Variants in PTPRD observed in about 807,000 individuals in gnomAD.
PTPRD encodes protein tyrosine phosphatase receptor type D, also known as receptor-type tyrosine-protein phosphatase delta.
Under a neutral mutation model 214.5 loss-of-function variants are expected in PTPRD, and 34 were observed. That is an observed-to-expected ratio of 0.16 (90% confidence interval 0.12 to 0.21). The LOEUF (loss-of-function observed/expected upper bound fraction) is 0.21. Among genes scored for constraint, PTPRD ranks in the 10% least tolerant of loss-of-function variants. The probability of loss-of-function intolerance (pLI) is 1.00; values close to 1 mark genes in which losing one functional copy is unlikely to be tolerated. For missense variants in PTPRD, 2,545 were observed against 2,398.7 expected (o/e 1.06, Z -1.27); for synonymous variants, 1,128 against 845.7 (o/e 1.33, Z -5.79).
At chr9:9,670,545 C>T (rs1778886549) in intron 7 of PTPRD, among the ~76,000 whole-genome samples, 1 of 152,194 alleles carries the variant, frequency 6.6e-6, no homozygotes, top group Admixed American at 6.5e-5. Flanking sequence ...TATTAGAGGT[C>T]TTCATGGCAG....
chr9:9,727,981 G>C (rs924332860), intron 7 of PTPRD, among the ~76,000 whole-genome samples: 42 of 152,118 alleles, frequency 2.8e-4, no homozygotes, highest in African/African-American at 1.0e-3. Flanking sequence ...CATGTGTTGT[G>C]AGAGGGACCC....
intron 14 of PTPRD, among the ~76,000 whole-genome samples, chr9:8,610,741 T>C (rs2095418558): frequency 6.6e-6 from 1 of 152,200 alleles, no homozygotes; most frequent in Non-Finnish European, 1.5e-5. Flanking sequence ...TTTCATCCAG[T>C]CTAGTTCTGC....
chr9:9,265,927 A>AAAGACAGAG (rs1339819421), intron 9 of PTPRD, among the ~76,000 whole-genome samples: 4 of 151,608 alleles, frequency 2.6e-5, no homozygotes, highest in African/African-American at 9.7e-5. Flanking sequence ...TCTCCAATCA[A>AAAGACAGAG]AAGACAGAGT....
At chr9:8,567,948 T>C (rs2089909542) in intron 14 of PTPRD, among the ~76,000 whole-genome samples, 2 of 152,120 alleles carry the variant, frequency 1.3e-5, no homozygotes, top group South Asian at 4.1e-4. Context: ...ATTAAAGTCA[T>C]CACTATGAAT....
At position 9,818,865 on chromosome 9, in the gene PTPRD, A is replaced by G. The variant is rs540120716; in HGVS notation, c.-367-52014T>C. On this transcript the variant is annotated intron_variant, in intron 5 of 45. Coordinates refer to ENST00000381196, the MANE Select transcript of PTPRD (RefSeq NM_002839.4). ...TGGGAGGTAGAGGTTTCAGTGAGCCAAGATTGTGGCACTGCACTCCAGCCT... is the reference window on the plus strand; with the variant it reads ...TGGGAGGTAGAGGTTTCAGTGAGCCGAGATTGTGGCACTGCACTCCAGCCT... 2.7e-5 allele frequency among the ~76,000 whole-genome samples: 4 copies of G among 147,136 alleles called. No individual in the cohort carries two copies. In the Admixed American group the frequency reaches 2.8e-4, roughly 10 times the overall value.
At chr9:9,964,842 G>A (rs1042199968) in intron 4 of PTPRD, among the ~76,000 whole-genome samples, 3 of 152,052 alleles carry the variant, frequency 2.0e-5, no homozygotes, top group African/African-American at 7.2e-5. Flanking sequence ...TATGCTTTCT[G>A]TTTCAACCAG....
intron 14 of PTPRD, among the ~76,000 whole-genome samples, chr9:8,607,473 T>A (rs1268618970): frequency 6.6e-6 from 1 of 151,988 alleles, no homozygotes; most frequent in African/African-American, 2.4e-5. Context: ...TGAAACCCCG[T>A]CTCTACAAAA....
intron 8 of PTPRD, among the ~76,000 whole-genome samples, chr9:9,431,615 T>C (rs1343524173): frequency 6.6e-6 from 1 of 152,128 alleles, no homozygotes; most frequent in East Asian, 1.9e-4. Flanking sequence ...GTAAGTTTAT[T>C]GTGGCACTAT....
At chr9:10,326,753 G>T (rs1313424881) in intron 3 of PTPRD, among the ~76,000 whole-genome samples, 4 of 151,262 alleles carry the variant, frequency 2.6e-5, no homozygotes, top group Admixed American at 1.3e-4. Flanking sequence ...TTGTGTTTTT[G>T]TATATTATAA....
At chr9:8,837,046 G>C (rs112017373) in intron 11 of PTPRD, among the ~76,000 whole-genome samples, 21,746 of 123,636 alleles carry the variant, frequency 0.18, 2,018 homozygotes, top group East Asian at 0.28. Flanking sequence ...TTTTTTTTGA[G>C]ATGGAGTCTC....
intron 10 of PTPRD, among the ~76,000 whole-genome samples, chr9:9,049,368 T>C (rs1328708986): frequency 6.6e-6 from 1 of 152,162 alleles, no homozygotes; most frequent in Non-Finnish European, 1.5e-5. Context: ...AAAGTGCAGT[T>C]TTGGTGTAGT....
chr9:10,377,289 TTTA>T (rs576042991), intron 2 of PTPRD, among the ~76,000 whole-genome samples: 7 of 151,570 alleles, frequency 4.6e-5, no homozygotes, highest in African/African-American at 7.3e-5. Context: ...CACATTTTCT[TTTA>T]TTATTATTAT....
intron 4 of PTPRD, among the ~76,000 whole-genome samples, chr9:10,007,088 T>C (rs1241596179): frequency 6.6e-6 from 1 of 151,982 alleles, no homozygotes. Context: ...TTTGTCTCTG[T>C]TTTTAAAAAG....
intron 44 of PTPRD, among the ~76,000 whole-genome samples, chr9:8,331,168 A>C (rs973056493): frequency 3.4e-5 from 5 of 148,698 alleles, no homozygotes; most frequent in Non-Finnish European, 5.9e-5. Flanking sequence ...GGCAGAACTT[A>C]ATATTGTCAT....
At chr9:8,329,461 T>A (rs1028740309) in intron 44 of PTPRD, among the ~76,000 whole-genome samples, 3 of 152,000 alleles carry the variant, frequency 2.0e-5, no homozygotes, top group African/African-American at 7.2e-5. Context: ...GCCCCTACTG[T>A]GAGGTGTCAC....
chr9:10,253,737 GA>G (rs2092999237), intron 3 of PTPRD, among the ~76,000 whole-genome samples: 1 of 151,972 alleles, frequency 6.6e-6, no homozygotes, highest in Admixed American at 6.5e-5. Context: ...ATACATTGAT[GA>G]AAAAAATGAT....
intron 35 of PTPRD, among the ~76,000 whole-genome samples, chr9:8,409,490 A>G (rs781359775): frequency 1.3e-5 from 2 of 152,180 alleles, no homozygotes; most frequent in African/African-American, 2.4e-5. Flanking sequence ...TTGTAATTCT[A>G]AACTCCAAAC....
chr9:9,853,835 C>T (rs2061018722), intron 5 of PTPRD, among the ~76,000 whole-genome samples: 2 of 152,134 alleles, frequency 1.3e-5, no homozygotes, highest in African/African-American at 4.8e-5. Flanking sequence ...AGATTATAGG[C>T]GTGAGCCACC....
intron 7 of PTPRD, among the ~76,000 whole-genome samples, chr9:9,601,806 T>C (rs1426674835): frequency 1.3e-5 from 2 of 151,996 alleles, no homozygotes; most frequent in Admixed American, 1.3e-4. Flanking sequence ...CTAAATATAA[T>C]ACAAAAGTAA....
Sources: gnomAD v4.1 joint callset for allele counts (sites outside exome capture counted in the v4.1 genomes callset) on GRCh38, gnomAD v4.1.1 for gene constraint, MANE v1.5 for transcripts, NCBI Gene and HGNC (gene_info 2026-07-23, HGNC 2026-07-21) for gene names.